TXK: variants seen among roughly 807,000 people sequenced by gnomAD.
TXK encodes the protein tyrosine-protein kinase TXK.
In TXK, 60 loss-of-function variants were observed where a neutral mutation model predicts 81.0. That is an observed-to-expected ratio of 0.74 (90% CI 0.60 to 0.92). The LOEUF (loss-of-function observed/expected upper bound fraction) is 0.92. Among genes scored for constraint, TXK ranks in the 40% least tolerant of loss-of-function variants. The pLI is 0.00. For synonymous variants in TXK, 203 were observed against 210.7 expected (o/e 0.96, Z 0.32); for missense variants, 581 against 638.3 (o/e 0.91, Z 0.97).
chr4:48,127,934 T>C (rs1166654676), intron 1 of TXK, among the ~76,000 whole-genome samples: 1 of 152,134 alleles, frequency 6.6e-6, no homozygotes, highest in Non-Finnish European at 1.5e-5. Flanking sequence ...CTGGGCTGAT[T>C]GGGAACAGGT....
At chr4:48,086,699 GA>G (rs1717546013) in intron 9 of TXK, 62 bp from the exon 10 acceptor site, 1 of 1,488,720 alleles carries the variant, frequency 6.7e-7, no homozygotes, top group Admixed American at 1.8e-5. Context: ...ATTAGGGCTG[GA>G]AAATGTTTAG....
At chr4:48,123,421 T>C (rs1007577934) in intron 1 of TXK, among the ~76,000 whole-genome samples, 1 of 152,152 alleles carries the variant, frequency 6.6e-6, no homozygotes, top group Non-Finnish European at 1.5e-5. Context: ...AATCTCCCCA[T>C]GTCTGTGAAT....
chr4:48,071,595 A>AAT lies in TXK; in HGVS notation c.1435_1436dup (p.Ser480PhefsTer79). 2 of 1,614,194 alleles carry AAT rather than the reference A, an allele frequency of 1.2e-6. No individual in the cohort carries two copies. The highest frequency in any genetic ancestry group is 1.7e-6 in the Non-Finnish European group (2 of 1,180,020). On this transcript the variant is annotated frameshift_variant, in exon 14 of 15. Coordinates refer to ENST00000264316, the MANE Select transcript of TXK (RefSeq NM_003328.3). LOFTEE classifies it high-confidence loss of function. ...GGCGATATAGCCTGAAGCCTTCAGA[A>AAT]ATAGCTTCCACGACTTGCAAATTTG...
rs766057903 is a variant in TXK, at chr4:48,089,979, C to CA, written c.710-156dup. ...AGTTTGCTTATTTTCCCACATTTTC[C>CA]AAAAAAAAATATATACTCATTGTAT... On this transcript the variant is annotated intron_variant, in intron 8 of 14. Transcript: ENST00000264316. Among the ~76,000 whole-genome samples, 15 of 148,310 alleles carry CA rather than the reference C, an allele frequency of 1.0e-4. No homozygotes were observed. The East Asian group carries it at 2.5e-3, about 25-fold the overall frequency.
chr4:48,122,089 A>C (rs1718977187), intron 1 of TXK, among the ~76,000 whole-genome samples: 1 of 151,982 alleles, frequency 6.6e-6, no homozygotes, highest in Non-Finnish European at 1.5e-5. Flanking sequence ...TCCTCCTCCC[A>C]CTATGCTTTA....
At chr4:48,113,351 CAA>C in intron 2 of TXK, 42 bp from the exon 3 acceptor site, 1 of 1,455,662 alleles carries the variant, frequency 6.9e-7, no homozygotes, top group Non-Finnish European at 9.5e-7. Context: ...ATTATTTGTA[CAA>C]AAGTTATCTA....
At chr4:48,096,800 A>T (rs1717999288) in intron 6 of TXK, among the ~76,000 whole-genome samples, 1 of 152,212 alleles carries the variant, frequency 6.6e-6, no homozygotes, top group South Asian at 2.1e-4. Context: ...AAATGCTGGG[A>T]TTACAGGCGT....
intron 7 of TXK, 103 bp downstream of exon 7, chr4:48,095,040 G>A (rs567525142): frequency 1.2e-3 from 1,155 of 988,682 alleles, no homozygotes; most frequent in Middle Eastern, 3.9e-3. Flanking sequence ...TAACTTCCAG[G>A]TCAACAATCT....
Position 48,079,988 on chromosome 4 carries a change from A to T in TXK, c.1097T>A (p.Met366Lys), listed in dbSNP as rs769260323. Residue 366 changes from methionine to lysine, a missense_variant, in exon 11 of 15, where the codon ATG (methionine) becomes AAG (lysine). Physicochemically the swap from Met to Lys is moderately conservative, Grantham distance 95 (BLOSUM62 -1). Coordinates refer to ENST00000264316, the MANE Select transcript of TXK (RefSeq NM_003328.3). The part of the protein sequence containing the change: ...RENKGKLRKE[M>K]LLSVCQDICE... ...TATATCCTGGCATACACTCAGTAGCATTTCCTTCCTAAGCTTTCCTTTATT... is the reference window on the plus strand; with the variant it reads ...TATATCCTGGCATACACTCAGTAGCTTTTCCTTCCTAAGCTTTCCTTTATT... The T allele has an allele frequency of 6.2e-7, 1 of 1,614,020 alleles. No homozygotes were observed. The highest frequency in any genetic ancestry group is 8.5e-7 in the Non-Finnish European group (1 of 1,179,992).
At chr4:48,070,639 C>T (rs2352587) in intron 14 of TXK, among the ~76,000 whole-genome samples, 128,365 of 151,878 alleles carry the variant, frequency 0.85, 55,053 homozygotes, top group East Asian at 1. Flanking sequence ...AGTGTAGTGG[C>T]GCAATCTCAG....
chr4:48,109,181 C>CT (rs35859877), intron 5 of TXK, among the ~76,000 whole-genome samples: 76,873 of 144,092 alleles, frequency 0.53, 20,646 homozygotes, highest in Non-Finnish European at 0.59. Context: ...TGTGGAACTG[C>CT]TTTTTTTTTT....
intron 3 of TXK, among the ~76,000 whole-genome samples, 184 bp from the exon 4 acceptor site, chr4:48,112,696 A>G (rs749888345): frequency 6.6e-6 from 1 of 152,070 alleles, no homozygotes; most frequent in East Asian, 1.9e-4. Flanking sequence ...CCAGCAATAC[A>G]CTCATCATTT....
At position 48,075,588 on chromosome 4, in the gene TXK, TGCA is replaced by T. The variant is rs1717035513; in HGVS notation, c.1238+811_1238+813del. Among the ~76,000 whole-genome samples, 3 of 152,084 alleles carry T rather than the reference TGCA, an allele frequency of 2.0e-5. No homozygotes were observed. The East Asian group carries it at 5.8e-4, about 29-fold the overall frequency. On this transcript the variant is annotated intron_variant, in intron 12 of 14. Transcript: ENST00000264316. ...TAGCTTGAGCCTGGGAGGTCGAGGC[TGCA>T]GTGAGCCGAGAGAGCACCACTGCAC... is the stretch of plus-strand genomic sequence containing the variant.
Position 48,067,695 on chromosome 4 carries a change from C to T in TXK, c.1526G>A (p.Gly509Asp). ...CAGCAGCTCGGCAAATGTAGGGCGG[C>T]CTTCAGGTTTCTGGAAAAGGGAAGT... ...MYSCWHEKPE[G>D]RPTFAELLRA... The change falls in exon 15 of 15, where the codon GGC becomes GAC. Residue 509 changes from glycine (G) to aspartate (D), a missense_variant. By Grantham distance (94) the Gly-to-Asp change is moderately conservative. Coordinates refer to ENST00000264316, the MANE Select transcript of TXK (RefSeq NM_003328.3). The T allele has an allele frequency of 6.2e-7, 1 of 1,614,076 alleles. No individual in the cohort carries two copies. The highest frequency in any genetic ancestry group is 1.3e-5 in the African/African-American group (1 of 75,018).
At chr4:48,127,874 G>C (rs186661449) in intron 1 of TXK, among the ~76,000 whole-genome samples, 37 of 152,282 alleles carry the variant, frequency 2.4e-4, no homozygotes, top group Non-Finnish European at 4.3e-4. Flanking sequence ...CTCTAGGAGA[G>C]GCTCCTATTG....
intron 10 of TXK, among the ~76,000 whole-genome samples, chr4:48,085,741 T>C (rs1487758930): frequency 3.9e-5 from 6 of 152,118 alleles, no homozygotes; most frequent in Non-Finnish European, 1.5e-5. Context: ...GGAGTTCTGC[T>C]GGGGGCAGTC....
chr4:48,080,887 C>G (rs1717274794), intron 10 of TXK, among the ~76,000 whole-genome samples: 1 of 152,020 alleles, frequency 6.6e-6, no homozygotes, highest in African/African-American at 2.4e-5. Context: ...AGAAGATGTA[C>G]CTTGTGTCAA....
At chr4:48,118,711 C>T (rs185485439) in intron 1 of TXK, among the ~76,000 whole-genome samples, 191 of 152,156 alleles carry the variant, frequency 1.3e-3, no homozygotes, top group African/African-American at 4.0e-3. Flanking sequence ...AGCATCTTGC[C>T]CTCTCTTTGC....
At chr4:48,130,063 AC>A (rs1490000326) in intron 1 of TXK, among the ~76,000 whole-genome samples, 1 of 152,236 alleles carries the variant, frequency 6.6e-6, no homozygotes, top group East Asian at 1.9e-4. Context: ...AGCTGCAGTG[AC>A]GAGTTAAAAA....
Sources: allele counts gnomAD v4.1 joint callset (sites outside exome capture counted in the v4.1 genomes callset), GRCh38; gene constraint gnomAD v4.1.1; transcripts MANE v1.5; gene names NCBI Gene and HGNC (gene_info 2026-07-23, HGNC 2026-07-21).